The following MAP4K3 variants were observed in gnomAD, a reference collection of about 807,000 sequenced individuals.
The protein encoded by MAP4K3 is MAPK/ERK kinase kinase kinase 3.
Under a neutral mutation model 143.5 loss-of-function variants are expected in MAP4K3, and 94 were observed. The ratio of observed to expected loss-of-function variants is 0.65; its 90% CI spans 0.55 to 0.78. MAP4K3 has a LOEUF of 0.78. MAP4K3 is among the 30% of genes least tolerant of loss of function. The pLI, the probability that MAP4K3 is intolerant of heterozygous loss-of-function variation, is 0.00. For missense variants in MAP4K3, 1,077 were observed against 1,068.1 expected (o/e 1.01, Z -0.12); for synonymous variants, 416 against 347.2 (o/e 1.20, Z -2.20).
chr2:39,284,164 TG>T (rs1178744642), intron 21 of MAP4K3, among the ~76,000 whole-genome samples: 4 of 152,152 alleles, frequency 2.6e-5, no homozygotes, highest in South Asian at 2.1e-4. Context: ...TTTTTGTTGT[TG>T]TTTTTTTATT....
chr2:39,291,294 G>C (rs927943456), intron 18 of MAP4K3, among the ~76,000 whole-genome samples: 1 of 152,052 alleles, frequency 6.6e-6, no homozygotes, highest in South Asian at 2.1e-4. Context: ...TTAAAAAGAA[G>C]TAATTGGGTA....
intron 1 of MAP4K3, among the ~76,000 whole-genome samples, chr2:39,412,742 G>C (rs1052360922): frequency 6.6e-6 from 1 of 151,856 alleles, no homozygotes; most frequent in Non-Finnish European, 1.5e-5. Flanking sequence ...TAAATGCTTT[G>C]TTATTTAAAC....
chr2:39,309,275 T>G (rs894139149), intron 14 of MAP4K3, among the ~76,000 whole-genome samples, 186 bp downstream of exon 14: 1 of 152,120 alleles, frequency 6.6e-6, no homozygotes, highest in African/African-American at 2.4e-5. Flanking sequence ...AAGTACACAC[T>G]GCCACGTCAA....
rs377744859 is a variant in MAP4K3 at position 39,343,383 on chromosome 2, C to G, written c.310+5G>C. On this transcript the variant is annotated splice_donor_5th_base_variant and intron_variant, in intron 4 of 33. Coordinates refer to ENST00000263881, the MANE Select transcript of MAP4K3 (RefSeq NM_003618.4). ...ACCCCTATAAAAATACAACTTTGGT[C>G]TTACCGTGATAAATATCCTGTAAAG... 10 of 1,609,470 alleles carry G rather than the reference C, an allele frequency of 6.2e-6. No individual in the cohort carries two copies. Among genetic ancestry groups the G allele is most frequent in the Non-Finnish European group, 7.6e-6 (9 of 1,176,742 alleles).
At chr2:39,339,186 A>G (rs1021558531) in intron 4 of MAP4K3, among the ~76,000 whole-genome samples, 8 of 152,190 alleles carry the variant, frequency 5.3e-5, no homozygotes, top group African/African-American at 1.9e-4. Flanking sequence ...CAATTATGAA[A>G]GAGAGAAATC....
intron 1 of MAP4K3, among the ~76,000 whole-genome samples, chr2:39,429,780 A>G (rs922597687): frequency 2.6e-5 from 4 of 152,224 alleles, no homozygotes; most frequent in African/African-American, 9.6e-5. Flanking sequence ...AAGGTAGAAC[A>G]GAATTGGAGG....
At chr2:39,408,269 C>T (rs2148615014) in intron 1 of MAP4K3, among the ~76,000 whole-genome samples, 1 of 152,246 alleles carries the variant, frequency 6.6e-6, no homozygotes, top group South Asian at 2.1e-4. Flanking sequence ...TTAGACAATG[C>T]CCCTGGCCAC....
chr2:39,326,642 G>A (rs1683498169), intron 8 of MAP4K3, among the ~76,000 whole-genome samples: 1 of 152,122 alleles, frequency 6.6e-6, no homozygotes, highest in Admixed American at 6.5e-5. Flanking sequence ...CAATTTGGGG[G>A]GTGGGCAGGG....
chr2:39,290,294 T>G lies in MAP4K3; in HGVS notation c.1312A>C (p.Lys438Gln), dbSNP rs774665530. The G allele has an allele frequency of 6.8e-6, 11 of 1,606,530 alleles. No individual in the cohort carries two copies. The highest frequency in any genetic ancestry group is 9.3e-6 in the Non-Finnish European group (11 of 1,176,832). ...AATTGAAAAATAAATCTGTCTACCTTTGGTGGCAAAGGAGGTGGAATTTTT... is the reference window on the plus strand; with the variant it reads ...AATTGAAAAATAAATCTGTCTACCTGTGGTGGCAAAGGAGGTGGAATTTTT... ...KAKIPPPLPP[K>Q]PKSIFIPQEM... Residue 438 changes from lysine to glutamine, a missense_variant and splice_region_variant, in exon 19 of 34, where the codon AAG (lysine) becomes CAG (glutamine). Physicochemically the swap from Lys to Gln is moderately conservative, Grantham distance 53. This residue lies in a region of MAP4K3 where 864 missense variants were observed against 801.2 expected (regional missense o/e 1.08). Coordinates refer to ENST00000263881, the MANE Select transcript of MAP4K3 (RefSeq NM_003618.4).
intron 15 of MAP4K3, among the ~76,000 whole-genome samples, chr2:39,301,520 A>G (rs572204216): frequency 2.0e-5 from 3 of 152,180 alleles, no homozygotes; most frequent in East Asian, 1.9e-4. Context: ...CAGACCAGCT[A>G]TATCTTTAGC....
At chr2:39,427,440 A>C (rs1665124316) in intron 1 of MAP4K3, among the ~76,000 whole-genome samples, 1 of 152,132 alleles carries the variant, frequency 6.6e-6, no homozygotes, top group African/African-American at 2.4e-5. Flanking sequence ...AAACTCCTAC[A>C]CGTAAATGTA....
chr2:39,363,813 A>G (rs1241688873), intron 2 of MAP4K3, among the ~76,000 whole-genome samples: 1 of 151,950 alleles, frequency 6.6e-6, no homozygotes, highest in Non-Finnish European at 1.5e-5. Flanking sequence ...TTTGTCATTT[A>G]TACAGTAATC....
At chr2:39,341,918 T>C (rs185605348) in intron 4 of MAP4K3, among the ~76,000 whole-genome samples, 2 of 152,110 alleles carry the variant, frequency 1.3e-5, no homozygotes, top group Non-Finnish European at 2.9e-5. Context: ...ACAACTATAC[T>C]TAATTAAAAG....
At chr2:39,287,478 T>A (rs983694435) in intron 20 of MAP4K3, among the ~76,000 whole-genome samples, 1 of 152,080 alleles carries the variant, frequency 6.6e-6, no homozygotes, top group Non-Finnish European at 1.5e-5. Flanking sequence ...TGTATTTTTT[T>A]TTTTAGTAGA....
chr2:39,364,755 C>A (rs1665871690), intron 2 of MAP4K3, among the ~76,000 whole-genome samples: 1 of 151,536 alleles, frequency 6.6e-6, no homozygotes, highest in South Asian at 2.1e-4. Context: ...ATAATCCCAG[C>A]TACTTGGGAG....
chr2:39,401,614 A>T (rs574198432), intron 1 of MAP4K3, among the ~76,000 whole-genome samples: 5 of 152,058 alleles, frequency 3.3e-5, no homozygotes, highest in Non-Finnish European at 7.4e-5. Context: ...AGCCTGGGTG[A>T]CACGGCGAAA....
At chr2:39,255,584 A>C (rs944086169) in intron 31 of MAP4K3, among the ~76,000 whole-genome samples, 2 of 152,152 alleles carry the variant, frequency 1.3e-5, no homozygotes, top group African/African-American at 4.8e-5. Flanking sequence ...ACACTACCTT[A>C]ATCACTATGG....
chr2:39,278,904 A>C (rs1165892509), intron 23 of MAP4K3, among the ~76,000 whole-genome samples: 1 of 152,158 alleles, frequency 6.6e-6, no homozygotes, highest in Non-Finnish European at 1.5e-5. Flanking sequence ...TACTATAAGT[A>C]CTCTAATTTA....
chr2:39,263,438 AT>A (rs34894620), intron 28 of MAP4K3, among the ~76,000 whole-genome samples: 28 of 137,262 alleles, frequency 2.0e-4, no homozygotes, highest in African/African-American at 3.5e-4. Context: ...ACGCCCGGCT[AT>A]TTTTTTTTTT....
Sources: gnomAD v4.1 joint callset for allele counts (sites outside exome capture counted in the v4.1 genomes callset) on GRCh38, gnomAD v4.1.1 for gene constraint, gnomAD v4.1.1 regional missense constraint, MANE v1.5 for transcripts, NCBI Gene and HGNC (gene_info 2026-07-23, HGNC 2026-07-21) for gene names.